The following SRRM2 variants were observed in gnomAD, a reference collection of about 807,000 sequenced individuals.
SRRM2 encodes the protein serine/arginine repetitive matrix 2.
SRRM2 carries 30 observed loss-of-function variants against 213.8 expected under a neutral mutation model. The observed-to-expected ratio is 0.14, with a 90% confidence interval of 0.10 to 0.19. The LOEUF is 0.19. Ranked by LOEUF, SRRM2 falls within the 10% of genes least tolerant of loss-of-function variation. SRRM2 has a pLI of 1.00. For missense variants in SRRM2, 4,904 were observed against 3,647.0 expected, an observed-to-expected ratio of 1.34 and a Z score of -8.88; for synonymous variants, 2,025 against 1,377.7, an observed-to-expected ratio of 1.47 and a Z score of -10.40.
rs773517050 is a variant in SRRM2 at position 2,757,934 on chromosome 16, C to T, written c.504C>T (p.Pro168=). 1.4e-5 allele frequency: 23 copies of T among 1,613,788 alleles called. No individual in the cohort carries two copies. The highest frequency in any genetic ancestry group is 6.6e-5 in the South Asian group (6 of 91,074). Residue 168 remains proline (P), a synonymous_variant, in exon 4 of 15, where the codon CCC becomes CCT. Transcript: ENST00000301740. The part of the protein sequence containing the change: ...REAKQPAPEP[P]KPYSLVRESS... ...CTAAACAACCAGCTCCTGAGCCTCC[C>T]AAACCTTACAGGTATACAAGGCCAA...
intron 2 of SRRM2, among the ~76,000 whole-genome samples, chr16:2,757,261 G>A (rs1308769458): frequency 6.6e-6 from 1 of 152,104 alleles, no homozygotes; most frequent in Non-Finnish European, 1.5e-5. Flanking sequence ...CTGAGGTGTA[G>A]CATATTTAAA....
rs1458277125 is a variant in SRRM2 at position 2,759,629 on chromosome 16, C to T, written c.801C>T (p.Asp267=). ...GGGCCCACCGTTCAACTTCTGCTGA[C>T]TCTGCTTCCTCCTCCGATACTTCCC... ...SRRAHRSTSA[D]SASSSDTSRS... is the part of the protein sequence containing the mutation. The change falls in exon 9 of 15, where the codon GAC becomes GAT. Residue 267 remains aspartate, a synonymous_variant. Coordinates refer to ENST00000301740, the MANE Select transcript of SRRM2 (RefSeq NM_016333.4). The T allele has an allele frequency of 3.1e-6, 5 of 1,613,936 alleles. No individual in the cohort carries two copies. The highest frequency in any genetic ancestry group is 2.7e-5 in the African/African-American group (2 of 74,902).
At chr16:2,758,602 C>T (rs2068232561) in intron 5 of SRRM2, 55 bp downstream of exon 5, 2 of 1,533,244 alleles carry the variant, frequency 1.3e-6, no homozygotes, top group Non-Finnish European at 9.0e-7. Flanking sequence ...TGTGGTGTAC[C>T]TTTCTCTCTG....
At position 2,766,377 on chromosome 16, in the gene SRRM2, C is replaced by T; in HGVS notation, c.5849C>T (p.Thr1950Ile). The change falls in exon 11 of 15, where the codon ACT becomes ATT. Residue 1950 changes from threonine (T) to isoleucine (I), a missense_variant. Transcript: ENST00000301740. The surrounding 1 kb of genome is among the most constrained non-coding windows in gnomAD (Gnocchi z 7.0). ...PTTRRRSRSRTPPVTRRRSRS... is the reference protein window; with the variant it reads ...PTTRRRSRSRIPPVTRRRSRS... ...ACACGCCGCCGCTCCCGTTCTAGAA[C>T]TCCACCAGTGACTCGCAGAAGGTCC... 6.2e-7 allele frequency: 1 copy of T among 1,614,180 alleles called. No homozygotes were observed. The highest frequency in any genetic ancestry group is 1.1e-5 in the South Asian group (1 of 91,082).
intron 9 of SRRM2, chr16:2,760,098 G>A (rs1308582955): frequency 1.1e-5 from 7 of 614,970 alleles, no homozygotes; most frequent in Non-Finnish European, 2.0e-5. Flanking sequence ...GAGGGAGAAC[G>A]CTCTTTGGGA....
chr16:2,758,487 G>A lies in SRRM2; in HGVS notation c.533G>A (p.Ser178Asn). 1 of 1,614,076 alleles carries A rather than the reference G, an allele frequency of 6.2e-7. No individual in the cohort carries two copies. The highest frequency in any genetic ancestry group is 8.5e-7 in the Non-Finnish European group (1 of 1,179,996). Reference protein sequence around the residue: ...PKPYSLVRESSSSRSPTPKQK... With the variant: ...PKPYSLVRESNSSRSPTPKQK... ...TTCCCTAGCCTTGTTCGGGAGTCTA[G>A]CAGTTCTCGCTCACCAACCCCAAAG... The change falls in exon 5 of 15, where the codon AGC becomes AAC. Residue 178 changes from serine (S) to asparagine (N), a missense_variant. Coordinates refer to ENST00000301740, the MANE Select transcript of SRRM2 (RefSeq NM_016333.4).
chr16:2,770,915 G>C lies in SRRM2; in HGVS notation c.*48G>C. On this transcript the variant is annotated 3_prime_UTR_variant, in exon 15 of 15. Coordinates refer to ENST00000301740, the MANE Select transcript of SRRM2 (RefSeq NM_016333.4). ...ACACCCAATGCTCTGGAGCCACAAG[G>C]AGTGTCCCTTCTTCCCCAGCAGAGC... 6.2e-7 allele frequency: 1 copy of C among 1,612,302 alleles called. No individual in the cohort carries two copies. Among genetic ancestry groups the C allele is most frequent in the Non-Finnish European group, 8.5e-7 (1 of 1,179,334 alleles).
chr16:2,759,324 C>CT, intron 7 of SRRM2, 28 bp from the exon 8 acceptor site: 1 of 1,609,812 alleles, frequency 6.2e-7, no homozygotes, highest in African/African-American at 1.3e-5. Flanking sequence ...AAAGAAGTTA[C>CT]TTTTAACAAC....
intron 10 of SRRM2, 141 bp downstream of exon 10, chr16:2,760,640 T>TA (rs1315690110): frequency 2.2e-6 from 2 of 900,998 alleles, no homozygotes; most frequent in Non-Finnish European, 3.3e-6. Context: ...CTAGTTCTCT[T>TA]ACTGCATCTG....
intron 1 of SRRM2, among the ~76,000 whole-genome samples, chr16:2,753,147 C>G (rs1045629177): frequency 4.6e-5 from 7 of 152,046 alleles, no homozygotes; most frequent in Non-Finnish European, 1.0e-4. Flanking sequence ...ACTCCTCCCC[C>G]CAACATGTGC....
Position 2,769,096 on chromosome 16 carries a change from T to C in SRRM2, c.7833T>C (p.Ser2611=), listed in dbSNP as rs755359835. 1 of 1,613,954 alleles carries C rather than the reference T, an allele frequency of 6.2e-7. No homozygotes were observed. The highest frequency in any genetic ancestry group is 1.1e-5 in the South Asian group (1 of 91,084). Residue 2611 remains serine, a synonymous_variant, in exon 12 of 15, where the codon AGT becomes AGC. Transcript: ENST00000301740. ...AKRKRRSSSS[S]SSSSSSSSSS... is the part of the protein sequence containing the mutation. ...GGAAGAGGCGCTCTAGCAGTTCCAG[T>C]TCCAGCTCCTCCTCTTCATCTTCCT...
At chr16:2,758,963 T>C (rs1312298653) in intron 5 of SRRM2, 22 bp from the exon 6 acceptor site, 3 of 1,613,876 alleles carry the variant, frequency 1.9e-6, no homozygotes, top group African/African-American at 2.7e-5. Context: ...CAGGATGAGC[T>C]TGCTTTTGAA....
chr16:2,760,334 T>G lies in SRRM2; in HGVS notation c.867T>G (p.Thr289=), dbSNP rs759587563. ...GTGCTGCAGCTAAAACTCATACAAC[T>G]GCCTTGGCTGGGCGAAGTCCTTCCC... ...SRSAAAKTHT[T]ALAGRSPSPA... is the part of the protein sequence containing the mutation. Residue 289 remains threonine (T), a synonymous_variant, in exon 10 of 15, where the codon ACT becomes ACG. Transcript: ENST00000301740. 6.2e-7 allele frequency: 1 copy of G among 1,613,960 alleles called. No individual in the cohort carries two copies. The highest frequency in any genetic ancestry group is 2.2e-5 in the East Asian group (1 of 44,878).
In SRRM2 at chr16:2,758,990, C is replaced by A; in HGVS notation, c.599C>A (p.Ser200Ter). The change falls in exon 6 of 15, where the codon TCA (serine) becomes TAA (stop). Residue 200 changes from serine to a stop codon, truncating the protein, a stop_gained. Transcript: ENST00000301740. LOFTEE classifies it high-confidence loss of function. ...KKKKKDRGRR[S>*]ESSSPRRERK... is the part of the protein sequence containing the mutation. ...GCTTTTGAATCCATCTTTAGCAGGT[C>A]AGAGAGCAGCTCTCCTCGACGGGAG... 6.2e-7 allele frequency: 1 copy of A among 1,614,050 alleles called. No individual in the cohort carries two copies. Among genetic ancestry groups the A allele is most frequent in the South Asian group, 1.1e-5 (1 of 91,018 alleles).
At position 2,757,578 on chromosome 16, in the gene SRRM2, G is replaced by C. The variant is rs1193110395; in HGVS notation, c.349G>C (p.Ala117Pro). The C allele has an allele frequency of 1.2e-6, 2 of 1,613,036 alleles. No homozygotes were observed. Among genetic ancestry groups the C allele is most frequent in the African/African-American group, 1.3e-5 (1 of 74,954 alleles). Residue 117 changes from alanine (A) to proline (P), a missense_variant and splice_region_variant, in exon 3 of 15, where the codon GCG becomes CCG. Physicochemically the swap from Ala to Pro is conservative, Grantham distance 27. Transcript: ENST00000301740. ...GGAGGAGACCCCAGGGCAGAGGCCAGCGTGAGTGTTGCGCTCTCCCTCGAT... is the reference window on the plus strand; with the variant it reads ...GGAGGAGACCCCAGGGCAGAGGCCACCGTGAGTGTTGCGCTCTCCCTCGAT... ...GKEETPGQRPAVTETHQLAEL... is the reference protein window; with the variant it reads ...GKEETPGQRPPVTETHQLAEL...
chr16:2,770,153 C>T, intron 12 of SRRM2, 199 bp from the exon 13 acceptor site: 2 of 1,436,110 alleles, frequency 1.4e-6, no homozygotes, highest in East Asian at 2.5e-5. Flanking sequence ...TTTGCATCCC[C>T]CGCTGCACCC....
chr16:2,758,213 A>G (rs888689303), intron 4 of SRRM2, among the ~76,000 whole-genome samples: 8 of 152,096 alleles, frequency 5.3e-5, no homozygotes, highest in South Asian at 2.1e-4. Context: ...ATCTCTACAA[A>G]AAGAAAAAAA....
chr16:2,767,095 T>C lies in SRRM2; in HGVS notation c.6567T>C (p.Ser2189=), dbSNP rs757213304. 3.7e-6 allele frequency: 6 copies of C among 1,614,100 alleles called. No homozygotes were observed. In the Admixed American group the frequency reaches 1.0e-4, roughly 27 times the overall value. Residue 2189 remains serine (S), a synonymous_variant, in exon 11 of 15, where the codon AGT becomes AGC. Transcript: ENST00000301740. ...SRIALALTAI[S]LGTARPPPSM... ...TTGCACTTGCCCTGACAGCTATCAG[T>C]CTTGGCACCGCTCGGCCTCCTCCGT...
Position 2,762,659 on chromosome 16 carries a change from G to A in SRRM2, c.2131G>A (p.Gly711Arg), listed in dbSNP as rs1470504663. Residue 711 changes from glycine to arginine, a missense_variant, in exon 11 of 15, where the codon GGA becomes AGA. Physicochemically the swap from Gly to Arg is moderately radical, Grantham distance 125. Transcript: ENST00000301740. ...CCGCAGTAGAAGCTTAGTTAGACGT[G>A]GAAGATCTCACTCTAGAACACCTCA... Reference protein sequence around the residue: ...RSRSRSLVRRGRSHSRTPQRR... With the variant: ...RSRSRSLVRRRRSHSRTPQRR... 6.2e-7 allele frequency: 1 copy of A among 1,614,126 alleles called. No individual in the cohort carries two copies. Among genetic ancestry groups the A allele is most frequent in the South Asian group, 1.1e-5 (1 of 91,064 alleles).
Sources: gnomAD v4.1 joint callset for allele counts (sites outside exome capture counted in the v4.1 genomes callset) on GRCh38, gnomAD v4.1.1 for gene constraint, Gnocchi (gnomAD v3.1) non-coding constraint, MANE v1.5 for transcripts, NCBI Gene and HGNC (gene_info 2026-07-23, HGNC 2026-07-21) for gene names.